Variants in ANKMY2 observed in about 807,000 individuals in gnomAD.
ANKMY2 encodes the protein ankyrin repeat and MYND domain containing 2.
Under a neutral mutation model 50.4 loss-of-function variants are expected in ANKMY2, and 36 were observed. The observed-to-expected ratio is 0.71, with a 90% CI of 0.55 to 0.94. The LOEUF (loss-of-function observed/expected upper bound fraction) is 0.94, where lower values mean the gene tolerates loss of function less well. Ranked by LOEUF, ANKMY2 falls within the 40% of genes least tolerant of loss-of-function variation. The pLI is 0.00. For missense variants in ANKMY2, 565 were observed against 524.0 expected, an observed-to-expected ratio of 1.08 and a Z score of -0.76; for synonymous variants, 187 against 178.8, an observed-to-expected ratio of 1.05 and a Z score of -0.36.
At chr7:16,644,522 G>A (rs557029984) in intron 1 of ANKMY2, 67 of 323,474 alleles carry the variant, frequency 2.1e-4, no homozygotes, top group Non-Finnish European at 3.1e-4. Flanking sequence ...CTGGAAACTG[G>A]GAAGCCTTAT....
intron 4 of ANKMY2, among the ~76,000 whole-genome samples, chr7:16,620,591 TACACACAC>T (rs58418780): frequency 0.014 from 2,019 of 145,588 alleles, 47 homozygotes; most frequent in African/African-American, 0.049. Flanking sequence ...AATACATGTG[TACACACAC>T]ACACACACAC....
At chr7:16,644,935 C>G (rs1781808322) in intron 1 of ANKMY2, 1 of 333,968 alleles carries the variant, frequency 3.0e-6, no homozygotes, top group Middle Eastern at 1.1e-3. Flanking sequence ...GTTCCTGAGG[C>G]TGTCGGGGCT....
intron 1 of ANKMY2, among the ~76,000 whole-genome samples, chr7:16,640,632 C>T (rs1202963891): frequency 1.3e-5 from 2 of 152,152 alleles, no homozygotes; most frequent in Non-Finnish European, 2.9e-5. Flanking sequence ...AGCAATCCTC[C>T]TGCCTCAGAC....
chr7:16,634,289 A>G (rs1264985172), intron 2 of ANKMY2, among the ~76,000 whole-genome samples: 1 of 152,252 alleles, frequency 6.6e-6, no homozygotes, highest in Non-Finnish European at 1.5e-5. Flanking sequence ...AACAATTTGC[A>G]AGACACTGTC....
chr7:16,640,949 A>G (rs1781736791), intron 1 of ANKMY2, among the ~76,000 whole-genome samples: 1 of 152,260 alleles, frequency 6.6e-6, no homozygotes, highest in South Asian at 2.1e-4. Context: ...ACGTATAAGT[A>G]AAATCATGTA....
intron 7 of ANKMY2, 74 bp from the exon 8 acceptor site, chr7:16,604,923 C>A (rs546491556): frequency 7.2e-7 from 1 of 1,397,254 alleles, no homozygotes; most frequent in South Asian, 1.6e-5. Flanking sequence ...TATCAGCCCA[C>A]GGACACTGCC....
chr7:16,637,326 A>C (rs1781677139), intron 1 of ANKMY2, among the ~76,000 whole-genome samples: 1 of 152,236 alleles, frequency 6.6e-6, no homozygotes, highest in African/African-American at 2.4e-5. Flanking sequence ...CTTGTAGTGC[A>C]AGACTGTGCT....
intron 2 of ANKMY2, among the ~76,000 whole-genome samples, chr7:16,634,358 C>T (rs1172850702): frequency 6.6e-6 from 1 of 152,126 alleles, no homozygotes; most frequent in Admixed American, 6.5e-5. Flanking sequence ...TTGGCTCCTG[C>T]AATTGCCTAG....
intron 9 of ANKMY2, among the ~76,000 whole-genome samples, chr7:16,601,628 T>C (rs1416110543): frequency 6.6e-6 from 1 of 152,194 alleles, no homozygotes; most frequent in Non-Finnish European, 1.5e-5. Flanking sequence ...CTCAACCCAG[T>C]AGTAAAGCGG....
intron 2 of ANKMY2, among the ~76,000 whole-genome samples, chr7:16,628,428 A>G (rs1471837669): frequency 6.6e-6 from 1 of 151,236 alleles, no homozygotes; most frequent in Non-Finnish European, 1.5e-5. Flanking sequence ...CTTGAGAGTA[A>G]GAATGGAAAA....
At chr7:16,643,374 T>A (rs1356300223) in intron 1 of ANKMY2, among the ~76,000 whole-genome samples, 1 of 152,238 alleles carries the variant, frequency 6.6e-6, no homozygotes, top group Non-Finnish European at 1.5e-5. Context: ...CAATAAACGT[T>A]GGCTATGGTT....
chr7:16,622,435 T>C, intron 4 of ANKMY2, among the ~76,000 whole-genome samples: 1 of 152,116 alleles, frequency 6.6e-6, no homozygotes, highest in Non-Finnish European at 1.5e-5. Flanking sequence ...TGGAAAGGAA[T>C]CTAGACTTAC....
chr7:16,626,914 A>G (rs554198197), intron 3 of ANKMY2, 126 bp downstream of exon 3: 9 of 755,954 alleles, frequency 1.2e-5, no homozygotes, highest in South Asian at 4.4e-5. Context: ...ACCAATTGCC[A>G]TCATTCCTTT....
intron 7 of ANKMY2, among the ~76,000 whole-genome samples, chr7:16,605,831 C>T (rs7782568): frequency 0.19 from 29,050 of 151,442 alleles, 3,087 homozygotes; most frequent in East Asian, 0.49. Flanking sequence ...TACAGGCACC[C>T]GCCACCACGC....
At chr7:16,641,512 C>A (rs1036526591) in intron 1 of ANKMY2, among the ~76,000 whole-genome samples, 3 of 152,186 alleles carry the variant, frequency 2.0e-5, no homozygotes, top group Middle Eastern at 3.4e-3. Context: ...TTAATTTTTT[C>A]TTTGAACTCT....
intron 8 of ANKMY2, among the ~76,000 whole-genome samples, chr7:16,604,130 C>G (rs552049359): frequency 5.9e-5 from 9 of 152,252 alleles, no homozygotes; most frequent in African/African-American, 2.2e-4. Flanking sequence ...AGTCAACAGG[C>G]AGTTGATGCT....
chr7:16,623,867 C>CT (rs1168001363), intron 4 of ANKMY2, among the ~76,000 whole-genome samples: 2 of 152,116 alleles, frequency 1.3e-5, no homozygotes, highest in African/African-American at 2.4e-5. Context: ...CATAAAGCAA[C>CT]TGAGTGTCTG....
At chr7:16,605,286 T>C (rs1781135422) in intron 7 of ANKMY2, among the ~76,000 whole-genome samples, 1 of 152,148 alleles carries the variant, frequency 6.6e-6, no homozygotes, top group Admixed American at 6.5e-5. Flanking sequence ...TTTAGTACAA[T>C]CTAAGTATTT....
intron 2 of ANKMY2, among the ~76,000 whole-genome samples, chr7:16,634,050 G>C (rs547899627): frequency 1.2e-4 from 18 of 152,226 alleles, no homozygotes; most frequent in African/African-American, 3.6e-4. Flanking sequence ...TGTGGGTAAA[G>C]AGTTAACAGA....
Sources: allele counts gnomAD v4.1 joint callset (sites outside exome capture counted in the v4.1 genomes callset), GRCh38; gene constraint gnomAD v4.1.1; transcripts MANE v1.5; gene names NCBI Gene and HGNC (gene_info 2026-07-23, HGNC 2026-07-21).